TENM2: variants seen among roughly 807,000 people sequenced by gnomAD.
TENM2 encodes teneurin-2.
In TENM2, 52 loss-of-function variants were observed where a neutral mutation model predicts 245.2. The ratio of observed to expected loss-of-function variants is 0.21; its 90% confidence interval spans 0.17 to 0.27. The LOEUF (loss-of-function observed/expected upper bound fraction) is 0.27, where lower values mean the gene tolerates loss of function less well. Ranked by LOEUF, TENM2 falls within the 10% of genes least tolerant of loss-of-function variation. The pLI is 1.00. For missense variants in TENM2, 3,046 were observed against 3,666.8 expected, an observed-to-expected ratio of 0.83 and a Z score of 4.37; for synonymous variants, 1,363 against 1,438.9, an observed-to-expected ratio of 0.95 and a Z score of 1.19.
chr5:168,247,836 G>A lies in TENM2; in HGVS notation c.6897G>A (p.Gln2299=). The A allele has an allele frequency of 1.2e-6, 2 of 1,614,010 alleles. No homozygotes were observed. Among genetic ancestry groups the A allele is most frequent in the Non-Finnish European group, 1.7e-6 (2 of 1,179,882 alleles). Residue 2299 remains glutamine, a synonymous_variant, in exon 27 of 29, where the codon CAG becomes CAA. Transcript: ENST00000518659. This position sits in a 1 kb window ranked among gnomAD's most constrained non-coding sequence, Gnocchi z 7.8. ...ACAAGGCCAGCGGGTGGAGTGTCCA[G>A]TACCGCTATGATGGCGTAGGACGGC...
chr5:167,260,400 A>G, the TENM2 span, among the ~76,000 whole-genome samples: 2 of 152,190 alleles, frequency 1.3e-5, no homozygotes, highest in Non-Finnish European at 2.9e-5. Flanking sequence ...CTCAGCTATA[A>G]AAGTTTAACC....
At chr5:167,212,359 T>A in the TENM2 span, among the ~76,000 whole-genome samples, 2 of 152,308 alleles carry the variant, frequency 1.3e-5, no homozygotes, top group South Asian at 2.1e-4. Flanking sequence ...GTTTTCATTG[T>A]GCTCAGCAAC....
intron 1 of TENM2, among the ~76,000 whole-genome samples, chr5:167,323,773 A>G (rs1284968147): frequency 6.6e-6 from 1 of 152,184 alleles, no homozygotes; most frequent in African/African-American, 2.4e-5. Flanking sequence ...CTACCTTCTA[A>G]CTCAGAGCAT....
At chr5:167,655,956 T>C (rs1754814295) in intron 2 of TENM2, among the ~76,000 whole-genome samples, 1 of 152,192 alleles carries the variant, frequency 6.6e-6, no homozygotes, top group South Asian at 2.1e-4. Context: ...TTCTGTCCTC[T>C]CTTGACTCTC....
intron 3 of TENM2, among the ~76,000 whole-genome samples, chr5:167,930,056 G>T (rs1323838807): frequency 6.6e-6 from 1 of 152,208 alleles, no homozygotes; most frequent in Non-Finnish European, 1.5e-5. Context: ...CATATTAATG[G>T]TTATTGCTTA....
the TENM2 span, among the ~76,000 whole-genome samples, chr5:167,194,235 C>T: frequency 2.0e-5 from 3 of 151,956 alleles, no homozygotes; most frequent in Non-Finnish European, 4.4e-5. Flanking sequence ...GCATTGTGTA[C>T]CGGTGACACA....
chr5:167,468,347 A>G (rs1487205091), intron 2 of TENM2, among the ~76,000 whole-genome samples: 1 of 152,198 alleles, frequency 6.6e-6, no homozygotes, highest in Non-Finnish European at 1.5e-5. Flanking sequence ...ACTTTGCAAC[A>G]CTAGAATGTC....
chr5:167,793,257 C>G (rs1017771469), intron 2 of TENM2, among the ~76,000 whole-genome samples: 6 of 152,118 alleles, frequency 3.9e-5, no homozygotes, highest in Admixed American at 3.9e-4. Flanking sequence ...GAGCAAATGA[C>G]TTAACATCTC....
chr5:168,174,413 G>A (rs1253249685), intron 13 of TENM2, among the ~76,000 whole-genome samples: 1 of 152,136 alleles, frequency 6.6e-6, no homozygotes, highest in Non-Finnish European at 1.5e-5. Context: ...ATACTGTGAG[G>A]CTTAGATGAG....
At chr5:168,004,517 G>GCACACACA (rs550787443) in intron 5 of TENM2, among the ~76,000 whole-genome samples, 190 of 132,220 alleles carry the variant, frequency 1.4e-3, no homozygotes, top group African/African-American at 3.1e-3. Flanking sequence ...GCGCGCGCGC[G>GCACACACA]CACACACACA....
At chr5:167,601,896 C>G (rs1289681244) in intron 2 of TENM2, among the ~76,000 whole-genome samples, 1 of 151,480 alleles carries the variant, frequency 6.6e-6, no homozygotes, top group Non-Finnish European at 1.5e-5. Flanking sequence ...TAGAGTACAT[C>G]TATTGCTTAA....
chr5:167,819,981 A>G (rs560776274), intron 2 of TENM2, among the ~76,000 whole-genome samples: 4 of 152,092 alleles, frequency 2.6e-5, no homozygotes, highest in African/African-American at 9.7e-5. Context: ...ATTCATCAAA[A>G]TGTTTTTTGT....
At chr5:168,121,381 A>C in intron 10 of TENM2, among the ~76,000 whole-genome samples, 1 of 152,244 alleles carries the variant, frequency 6.6e-6, no homozygotes, top group East Asian at 1.9e-4. Context: ...GCATCTTAGG[A>C]AATCGGAACC....
At chr5:168,078,554 T>C (rs1203193936) in intron 7 of TENM2, among the ~76,000 whole-genome samples, 1 of 152,230 alleles carries the variant, frequency 6.6e-6, no homozygotes, top group Non-Finnish European at 1.5e-5. Flanking sequence ...AGGGTTTTTA[T>C]GGTTTTAGGT....
intron 7 of TENM2, among the ~76,000 whole-genome samples, chr5:168,065,961 A>G (rs1790468062): frequency 6.6e-6 from 1 of 151,828 alleles, no homozygotes; most frequent in Non-Finnish European, 1.5e-5. Flanking sequence ...GCCTGGAAAT[A>G]GTTCTGGTTG....
At chr5:167,820,587 G>A (rs1297866723) in intron 2 of TENM2, among the ~76,000 whole-genome samples, 4 of 152,212 alleles carry the variant, frequency 2.6e-5, no homozygotes, top group Admixed American at 2.6e-4. Flanking sequence ...GGTGTGGCCT[G>A]GATGGCTCCG....
chr5:167,020,532 T>C, the TENM2 span, among the ~76,000 whole-genome samples: 1 of 152,172 alleles, frequency 6.6e-6, no homozygotes, highest in African/African-American at 2.4e-5. Flanking sequence ...AAGGTTTTGC[T>C]AGTAAGCCCA....
intron 2 of TENM2, among the ~76,000 whole-genome samples, chr5:167,456,089 T>C (rs1765906038): frequency 6.6e-6 from 1 of 152,176 alleles, no homozygotes; most frequent in African/African-American, 2.4e-5. Flanking sequence ...TAATAGATTC[T>C]ACCATGAAGT....
chr5:167,264,556 C>A, the TENM2 span, among the ~76,000 whole-genome samples: 1 of 152,236 alleles, frequency 6.6e-6, no homozygotes, highest in African/African-American at 2.4e-5. Flanking sequence ...ATTCTGCACT[C>A]GCCTGGCAGC....
Sources: gnomAD v4.1 joint callset for allele counts (sites outside exome capture counted in the v4.1 genomes callset) on GRCh38, gnomAD v4.1.1 for gene constraint, Gnocchi (gnomAD v3.1) non-coding constraint, MANE v1.5 for transcripts, NCBI Gene and HGNC (gene_info 2026-07-23, HGNC 2026-07-21) for gene names.